Variants in SAR1A observed in about 807,000 individuals in gnomAD.
SAR1A encodes small COPII coat GTPase SAR1A.
Under a neutral mutation model 22.6 loss-of-function variants are expected in SAR1A, and 6 were observed. That is an observed-to-expected ratio of 0.27 (90% CI 0.15 to 0.52). The LOEUF is 0.52. SAR1A is among the 20% of genes least tolerant of loss of function. The pLI, the probability that SAR1A is intolerant of heterozygous loss-of-function variation, is 0.96. For synonymous variants in SAR1A, 70 were observed against 82.2 expected (o/e 0.85, Z 0.80); for missense variants, 145 against 245.1 (o/e 0.59, Z 2.73).
intron 1 of SAR1A, among the ~76,000 whole-genome samples, chr10:70,164,644 CT>C (rs933073510): frequency 3.9e-5 from 6 of 152,182 alleles, no homozygotes; most frequent in African/African-American, 1.4e-4. Context: ...GCTTTTTAAA[CT>C]TTGTTTAGCC....
chr10:70,160,200 CA>C (rs905875240), intron 4 of SAR1A, among the ~76,000 whole-genome samples: 38 of 140,556 alleles, frequency 2.7e-4, no homozygotes, highest in African/African-American at 5.2e-4. Context: ...GACAACTGAC[CA>C]AAAAAAAAAG....
At chr10:70,163,634 C>G in intron 1 of SAR1A, 1 of 718,492 alleles carries the variant, frequency 1.4e-6, no homozygotes, top group Non-Finnish European at 2.6e-6. Context: ...AGCAAGTGAG[C>G]GAGCAGAGTG....
chr10:70,158,757 C>CAAAA (rs58884949), intron 4 of SAR1A, among the ~76,000 whole-genome samples: 5 of 125,810 alleles, frequency 4.0e-5, no homozygotes, highest in Admixed American at 8.2e-5. Context: ...TTAAGTTATA[C>CAAAA]AAAAAAAAAA....
At position 70,161,425 on chromosome 10, in the gene SAR1A, A is replaced by G. The variant is rs1319416570; in HGVS notation, c.178+194T>C. 9.5e-6 allele frequency: 6 copies of G among 632,400 alleles called. No individual in the cohort carries two copies. The Admixed American group carries it at 1.8e-4, about 19-fold the overall frequency. The allele number at this position is 632,400 out of a possible 1,614,324, so 39.2% of individuals were successfully genotyped here. A position where few individuals can be genotyped will look rare whatever the true frequency, so the allele number is the denominator to read the frequency against. ...GTGTCCCTTTACAGGACCAGTGACA[A>G]CAGATAATGACAAAGTTCCAGAGGT... On this transcript the variant is annotated intron_variant, in intron 3 of 6. Transcript: ENST00000373241.
intron 1 of SAR1A, chr10:70,163,930 A>T (rs151131756): frequency 0.023 from 37,061 of 1,586,360 alleles, 1,008 homozygotes; most frequent in East Asian, 0.12. Flanking sequence ...ACAGACAGTG[A>T]AGAAGAAATT....
At chr10:70,161,798 T>C (rs1839470173) in intron 2 of SAR1A, 60 bp from the exon 3 acceptor site, 1 of 1,613,426 alleles carries the variant, frequency 6.2e-7, no homozygotes, top group Admixed American at 1.7e-5. Flanking sequence ...CTATTTGTAG[T>C]TAAATTACTG....
intron 1 of SAR1A, among the ~76,000 whole-genome samples, chr10:70,168,670 C>T (rs1839584453): frequency 6.6e-6 from 1 of 152,008 alleles, no homozygotes; most frequent in East Asian, 1.9e-4. Flanking sequence ...GACTGAAAAC[C>T]AGTGTAGTAC....
intron 5 of SAR1A, among the ~76,000 whole-genome samples, chr10:70,155,662 A>G (rs1564569352): frequency 1.3e-5 from 2 of 152,228 alleles, no homozygotes; most frequent in African/African-American, 4.8e-5. Context: ...AGTCTAACAC[A>G]GTCTCAGAGG....
At chr10:70,155,016 C>A (rs1176252205) in intron 5 of SAR1A, 5 of 486,220 alleles carry the variant, frequency 1.0e-5, no homozygotes, top group African/African-American at 9.9e-5. Context: ...CCACACAGTA[C>A]TGCATGGCTG....
At chr10:70,165,950 T>A (rs777526361) in intron 1 of SAR1A, among the ~76,000 whole-genome samples, 8 of 152,224 alleles carry the variant, frequency 5.3e-5, no homozygotes, top group Non-Finnish European at 1.0e-4. Context: ...ATCATCAACC[T>A]GATCAGTCAA....
chr10:70,154,328 C>T (rs1019843463), intron 5 of SAR1A, among the ~76,000 whole-genome samples: 30 of 152,268 alleles, frequency 2.0e-4, no homozygotes, highest in African/African-American at 7.0e-4. Context: ...GCTACAGAGC[C>T]TCAAAGATGA....
At chr10:70,155,287 A>C (rs1839373003) in intron 5 of SAR1A, among the ~76,000 whole-genome samples, 1 of 152,252 alleles carries the variant, frequency 6.6e-6, no homozygotes, top group African/African-American at 2.4e-5. Context: ...GAAAGAATTG[A>C]AGAGACCAAT....
intron 6 of SAR1A, among the ~76,000 whole-genome samples, chr10:70,153,592 C>T (rs1002961279): frequency 2.6e-5 from 4 of 152,174 alleles, no homozygotes; most frequent in Non-Finnish European, 4.4e-5. Context: ...TAATCATAAA[C>T]TCTTAGAAGA....
chr10:70,167,102 A>G (rs374024814), intron 1 of SAR1A, among the ~76,000 whole-genome samples: 1 of 152,178 alleles, frequency 6.6e-6, no homozygotes, highest in East Asian at 1.9e-4. Flanking sequence ...TACTTTTTCT[A>G]TTGTTTCTCA....
rs1462410968 is a variant in SAR1A at position 70,162,069 on chromosome 10, G to A, written c.-16-138C>T. The stretch of plus-strand genomic sequence containing the variant: ...GGAATAAGAAAGCAGGCCAGGCATG[G>A]TGGCTCACACCTGGAATCCCAGCAT... On this transcript the variant is annotated intron_variant, in intron 1 of 6. Coordinates refer to ENST00000373241, the MANE Select transcript of SAR1A (RefSeq NM_020150.5). The A allele has an allele frequency of 1.1e-5, 7 of 646,002 alleles. No individual in the cohort carries two copies. In the East Asian group the frequency reaches 2.1e-4, roughly 19 times the overall value. 40.0% of individuals were successfully genotyped at this position (646,002 alleles called of 1,614,324 possible). A position where few individuals can be genotyped will look rare whatever the true frequency, so the allele number is the denominator to read the frequency against.
chr10:70,162,415 GGGAAAGGGAAA>G (rs1839483205), intron 1 of SAR1A, among the ~76,000 whole-genome samples: 1 of 118,474 alleles, frequency 8.4e-6, no homozygotes, highest in African/African-American at 3.0e-5. Context: ...GAAAGGGAAA[GGGAAAGGGAAA>G]GGAAAGGAAA....
rs116868948 is a variant in SAR1A, at chr10:70,160,271, C to T, written c.244+733G>A. 1.8e-3 allele frequency among the ~76,000 whole-genome samples: 264 copies of T among 150,794 alleles called. 3 individuals carry two copies. The East Asian group carries it at 0.037, about 21-fold the overall frequency. On this transcript the variant is annotated intron_variant, in intron 4 of 6. Coordinates refer to ENST00000373241, the MANE Select transcript of SAR1A (RefSeq NM_020150.5). The stretch of plus-strand genomic sequence containing the variant: ...ATTTGATAACTATTATGATTATATA[C>T]AAGGAAATATCTTTGTTCTTAGAAA...
In SAR1A at chr10:70,152,061, A is replaced by G. The variant is rs1282544895; in HGVS notation, c.*415T>C. 1 of 207,518 alleles carries G rather than the reference A, an allele frequency of 4.8e-6. No individual in the cohort carries two copies. Among genetic ancestry groups the G allele is most frequent in the African/African-American group, 2.3e-5 (1 of 42,930 alleles). 12.9% of individuals were successfully genotyped at this position (207,518 alleles called of 1,614,324 possible). A position where few individuals can be genotyped will look rare whatever the true frequency, so the allele number is the denominator to read the frequency against. On this transcript the variant is annotated 3_prime_UTR_variant, in exon 7 of 7. Transcript: ENST00000373241. ...TTAGTTTAAAAAAAAAAAAGAATAG[A>G]AAACTCTGGACCAAGTAAATTGTGA...
chr10:70,167,994 G>A (rs984678524), intron 1 of SAR1A, among the ~76,000 whole-genome samples: 14 of 152,138 alleles, frequency 9.2e-5, no homozygotes, highest in Admixed American at 6.5e-5. Flanking sequence ...AAAGAACAAT[G>A]TGCCCTTCCT....
Sources: gnomAD v4.1 joint callset for allele counts (sites outside exome capture counted in the v4.1 genomes callset) on GRCh38, gnomAD v4.1.1 for gene constraint, MANE v1.5 for transcripts, NCBI Gene and HGNC (gene_info 2026-07-23, HGNC 2026-07-21) for gene names.